The following ALCAM variants were observed in gnomAD, a reference collection of about 807,000 sequenced individuals.
ALCAM encodes the protein activated leukocyte cell adhesion molecule.
In ALCAM, 30 loss-of-function variants were observed where a neutral mutation model predicts 70.9. The ratio of observed to expected loss-of-function variants is 0.42; its 90% CI spans 0.32 to 0.57. The LOEUF is 0.57. ALCAM is among the 20% of genes least tolerant of loss of function. ALCAM has a pLI of 0.11. For synonymous variants in ALCAM, 249 were observed against 242.5 expected (o/e 1.03, Z -0.25); for missense variants, 591 against 695.1 (o/e 0.85, Z 1.68).
chr3:105,553,823 C>T (rs1414488576), intron 14 of ALCAM, among the ~76,000 whole-genome samples: 2 of 151,912 alleles, frequency 1.3e-5, no homozygotes, highest in African/African-American at 2.4e-5. Flanking sequence ...GTTTGTAGGG[C>T]ACAGAATTGT....
intron 1 of ALCAM, among the ~76,000 whole-genome samples, chr3:105,517,979 A>G (rs1939425957): frequency 6.6e-6 from 1 of 152,118 alleles, no homozygotes. Context: ...CCAATACACT[A>G]TGTATTTGAA....
At chr3:105,430,548 C>T (rs1936904178) in intron 1 of ALCAM, among the ~76,000 whole-genome samples, 2 of 152,122 alleles carry the variant, frequency 1.3e-5, no homozygotes, top group South Asian at 4.1e-4. Flanking sequence ...ATGGCATTCT[C>T]ATCACATTAA....
rs186307851 is a variant in ALCAM, at chr3:105,576,621, A to T, written c.*2170A>T. The T allele has an allele frequency of 3.9e-5, 6 of 152,020 alleles. No individual in the cohort carries two copies. In the East Asian group the frequency reaches 9.7e-4, roughly 24 times the overall value. The allele number at this position is 152,020 out of a possible 1,614,324, so 9.4% of individuals were successfully genotyped here. The stretch of plus-strand genomic sequence containing the variant: ...ACCGAAAGCAGAAAGTTTGCCGGGA[A>T]AAAAAAAGACAACATTATTACCATC... On this transcript the variant is annotated 3_prime_UTR_variant, in exon 16 of 16. Coordinates refer to ENST00000306107, the MANE Select transcript of ALCAM (RefSeq NM_001627.4).
intron 2 of ALCAM, among the ~76,000 whole-genome samples, chr3:105,522,519 C>G (rs1387096626): frequency 6.6e-6 from 1 of 152,172 alleles, no homozygotes. Context: ...GGCCTGATTT[C>G]TCCTGGATCA....
intron 14 of ALCAM, 152 bp downstream of exon 14, chr3:105,552,737 T>C: frequency 6.8e-7 from 1 of 1,465,162 alleles, no homozygotes; most frequent in Non-Finnish European, 9.0e-7. Flanking sequence ...TTGTTTCAAC[T>C]AATTTTGACT....
chr3:105,421,945 A>C (rs1000281761), intron 1 of ALCAM, among the ~76,000 whole-genome samples: 4 of 151,318 alleles, frequency 2.6e-5, no homozygotes, highest in Non-Finnish European at 1.5e-5. Flanking sequence ...TCAGCCAAGT[A>C]GTGTTTATTG....
chr3:105,389,689 G>C (rs1935760936), intron 1 of ALCAM, among the ~76,000 whole-genome samples: 1 of 151,420 alleles, frequency 6.6e-6, no homozygotes, highest in East Asian at 2.0e-4. Context: ...ACATCATCTA[G>C]GTATTAAGTC....
intron 1 of ALCAM, among the ~76,000 whole-genome samples, chr3:105,406,826 G>A (rs1936248149): frequency 6.6e-6 from 1 of 151,326 alleles, no homozygotes. Flanking sequence ...ACCAAGAAAA[G>A]GAGACAGAAA....
chr3:105,491,407 A>T (rs2152611278), intron 1 of ALCAM, among the ~76,000 whole-genome samples: 1 of 152,372 alleles, frequency 6.6e-6, no homozygotes, highest in East Asian at 1.9e-4. Flanking sequence ...AAATTTCTAC[A>T]GCTGGCATGA....
At chr3:105,469,106 C>G (rs1196395961) in intron 1 of ALCAM, among the ~76,000 whole-genome samples, 1 of 151,230 alleles carries the variant, frequency 6.6e-6, no homozygotes, top group African/African-American at 2.4e-5. Flanking sequence ...GTATCATACA[C>G]TGGATATTGT....
intron 1 of ALCAM, among the ~76,000 whole-genome samples, chr3:105,429,443 T>G (rs1936872604): frequency 6.6e-6 from 1 of 152,026 alleles, no homozygotes; most frequent in Non-Finnish European, 1.5e-5. Flanking sequence ...ATCAAATTAT[T>G]AAAGGTAATG....
At chr3:105,380,330 T>C (rs1184260468) in intron 1 of ALCAM, among the ~76,000 whole-genome samples, 1 of 151,896 alleles carries the variant, frequency 6.6e-6, no homozygotes, top group Non-Finnish European at 1.5e-5. Flanking sequence ...TTGTCAAAAA[T>C]CCACTAACAT....
chr3:105,464,552 G>A (rs1449048795), intron 1 of ALCAM, among the ~76,000 whole-genome samples: 2 of 150,878 alleles, frequency 1.3e-5, no homozygotes, highest in African/African-American at 4.9e-5. Context: ...ATTGCATTGG[G>A]GGCTCTTGAA....
intron 1 of ALCAM, among the ~76,000 whole-genome samples, chr3:105,388,400 A>T (rs1443425648): frequency 1.3e-5 from 2 of 151,588 alleles, no homozygotes; most frequent in African/African-American, 4.8e-5. Flanking sequence ...CTAGTTCCTC[A>T]AATTTGAAAT....
chr3:105,510,185 A>C lies in ALCAM; in HGVS notation c.74-9882A>C, dbSNP rs114453771. On this transcript the variant is annotated intron_variant, in intron 1 of 15. Coordinates refer to ENST00000306107, the MANE Select transcript of ALCAM (RefSeq NM_001627.4). The stretch of plus-strand genomic sequence containing the variant: ...TGGAGAATAAGCATACCGCAGAGTA[A>C]AGATGGTCCCAAGTGAAAGGGAGAG... 8.8e-3 allele frequency among the ~76,000 whole-genome samples: 1,333 copies of C among 152,180 alleles called. 13 individuals are homozygous for C. The highest frequency in any genetic ancestry group is 0.029 in the African/African-American group (1,224 of 41,546).
At chr3:105,529,173 C>T (rs183761224) in intron 3 of ALCAM, among the ~76,000 whole-genome samples, 1 of 152,114 alleles carries the variant, frequency 6.6e-6, no homozygotes, top group Admixed American at 6.6e-5. Flanking sequence ...AGAAAATAAA[C>T]AAAGGCATGA....
chr3:105,536,690 A>G (rs753436585), intron 6 of ALCAM, among the ~76,000 whole-genome samples: 3 of 152,150 alleles, frequency 2.0e-5, no homozygotes, highest in Non-Finnish European at 4.4e-5. Flanking sequence ...AAGCAGTTTA[A>G]GACAGTCCTC....
In ALCAM at chr3:105,391,303, G is replaced by T. The variant is rs1274700055; in HGVS notation, c.73+23822G>T. Among the ~76,000 whole-genome samples, 8 of 151,850 alleles carry T rather than the reference G, an allele frequency of 5.3e-5. No homozygotes were observed. The East Asian group carries it at 1.5e-3, about 29-fold the overall frequency. ...GTGGTTTGTAGTTGTCCTTGAAGAG[G>T]TCCTTCACATCCCTTGTGTGTTGTA... On this transcript the variant is annotated intron_variant, in intron 1 of 15. Coordinates refer to ENST00000306107, the MANE Select transcript of ALCAM (RefSeq NM_001627.4).
chr3:105,497,323 C>CT (rs1261580554), intron 1 of ALCAM, among the ~76,000 whole-genome samples: 1 of 152,152 alleles, frequency 6.6e-6, no homozygotes, highest in African/African-American at 2.4e-5. Context: ...ACTTTAAGTT[C>CT]TTTTGCCTTC....
Sources: allele counts gnomAD v4.1 joint callset (sites outside exome capture counted in the v4.1 genomes callset), GRCh38; gene constraint gnomAD v4.1.1; transcripts MANE v1.5; gene names NCBI Gene and HGNC (gene_info 2026-07-23, HGNC 2026-07-21).